SH3PXD2A: variants seen among roughly 807,000 people sequenced by gnomAD.
The protein encoded by SH3PXD2A is SH3 and PX domains 2A.
In SH3PXD2A, 32 loss-of-function variants were observed where a neutral mutation model predicts 115.2. The observed-to-expected ratio is 0.28, with a 90% CI of 0.21 to 0.37. The LOEUF (loss-of-function observed/expected upper bound fraction) is 0.37. Ranked by LOEUF, SH3PXD2A falls within the 10% of genes least tolerant of loss-of-function variation. SH3PXD2A has a pLI of 1.00. For missense variants in SH3PXD2A, 1,328 were observed against 1,498.7 expected, an observed-to-expected ratio of 0.89 and a Z score of 1.88; for synonymous variants, 610 against 629.1, an observed-to-expected ratio of 0.97 and a Z score of 0.45.
chr10:103,597,057 G>GTT lies in SH3PXD2A; in HGVS notation c.*4757_*4758dup, dbSNP rs2036147019. The GTT allele has an allele frequency of 2.0e-5, 3 of 152,634 alleles. No homozygotes were observed. In the South Asian group the frequency reaches 6.2e-4, roughly 32 times the overall value. The allele number at this position is 152,634 out of a possible 1,614,324, so 9.5% of individuals were successfully genotyped here. ...GCCAGATTGGTACCTGTTGTGGGAA[G>GTT]TTTTGTCTGCAGAGAAACTTGAATA... On this transcript the variant is annotated 3_prime_UTR_variant, in exon 15 of 15. Coordinates refer to ENST00000369774, the MANE Select transcript of SH3PXD2A (RefSeq NM_001394015.1).
At chr10:103,682,666 A>G (rs1301140437) in intron 6 of SH3PXD2A, among the ~76,000 whole-genome samples, 1 of 152,006 alleles carries the variant, frequency 6.6e-6, no homozygotes, top group Non-Finnish European at 1.5e-5. Context: ...CGGAGGCAGG[A>G]GAATTGCTTG....
chr10:103,823,741 C>T (rs1258515891), intron 1 of SH3PXD2A, among the ~76,000 whole-genome samples: 1 of 152,340 alleles, frequency 6.6e-6, no homozygotes, highest in African/African-American at 2.4e-5. Flanking sequence ...ATGGCGTGGC[C>T]TCACACTACA....
Position 103,665,505 on chromosome 10 carries a change from C to T in SH3PXD2A, c.472+3103G>A, listed in dbSNP as rs2037372637. ...GCTATGGCCTCTCTCAGGAGCTGCT[C>T]CAAAGGCTGTGGGATGGACACACGG... On this transcript the variant is annotated intron_variant, in intron 7 of 14. Coordinates refer to ENST00000369774, the MANE Select transcript of SH3PXD2A (RefSeq NM_001394015.1). The surrounding 1 kb of genome is among the most constrained non-coding windows in gnomAD (Gnocchi z 4.0). 6.6e-6 allele frequency among the ~76,000 whole-genome samples: 1 copy of T among 152,242 alleles called. No individual in the cohort carries two copies. The highest frequency in any genetic ancestry group is 6.5e-5 in the Admixed American group (1 of 15,290).
chr10:103,702,585 C>CTGTGTGTGTGTG (rs61568990), intron 5 of SH3PXD2A, among the ~76,000 whole-genome samples: 7 of 32,984 alleles, frequency 2.1e-4, no homozygotes, highest in East Asian at 3.5e-3. Context: ...AGATGTAAGC[C>CTGTGTGTGTGTG]TGTGTGTGTG....
At chr10:103,853,196 T>C (rs1291807916) in intron 1 of SH3PXD2A, among the ~76,000 whole-genome samples, 3 of 152,248 alleles carry the variant, frequency 2.0e-5, no homozygotes, top group Non-Finnish European at 4.4e-5. Flanking sequence ...AATGATCATT[T>C]CGAGGGAACT....
chr10:103,820,751 CT>C (rs2039371568), intron 1 of SH3PXD2A, among the ~76,000 whole-genome samples: 2 of 152,326 alleles, frequency 1.3e-5, no homozygotes, highest in Admixed American at 1.3e-4. Flanking sequence ...TTGGGCGCCC[CT>C]CCCAGCCATG....
intron 1 of SH3PXD2A, among the ~76,000 whole-genome samples, chr10:103,820,619 A>G (rs368236160): frequency 6.7e-6 from 1 of 148,702 alleles, no homozygotes; most frequent in Middle Eastern, 3.2e-3. Flanking sequence ...GCCCACCCCC[A>G]GTGAGCCTGT....
In SH3PXD2A at chr10:103,666,493, A is replaced by G. The variant is rs1176450028; in HGVS notation, c.472+2115T>C. The stretch of plus-strand genomic sequence containing the variant: ...AACCAAAGTATGTGCCTTGGACAAG[A>G]GTCTCTCGACACTCCAGGACTGGTG... On this transcript the variant is annotated intron_variant, in intron 7 of 14. Coordinates refer to ENST00000369774, the MANE Select transcript of SH3PXD2A (RefSeq NM_001394015.1). This position sits in a 1 kb window ranked among gnomAD's most constrained non-coding sequence, Gnocchi z 4.5. 6.6e-6 allele frequency among the ~76,000 whole-genome samples: 1 copy of G among 152,116 alleles called. No individual in the cohort carries two copies. Among genetic ancestry groups the G allele is most frequent in the African/African-American group, 2.4e-5 (1 of 41,386 alleles).
rs1339844251 is a variant in SH3PXD2A, at chr10:103,855,175, T to G, written c.72+20A>C. 3 of 1,514,250 alleles carry G rather than the reference T, an allele frequency of 2.0e-6. No homozygotes were observed. The highest frequency in any genetic ancestry group is 1.8e-6 in the Non-Finnish European group (2 of 1,126,052). 93.8% of individuals were successfully genotyped at this position (1,514,250 alleles called of 1,614,324 possible). On this transcript the variant is annotated intron_variant, in intron 1 of 14. Transcript: ENST00000369774. ...GGACCTCGGGCCACCCCCAGCAGGGTCGGCGGGGGCTGTACTCACGTAGTG... is the reference window on the plus strand; with the variant it reads ...GGACCTCGGGCCACCCCCAGCAGGGGCGGCGGGGGCTGTACTCACGTAGTG...
chr10:103,728,220 C>T (rs1004765590), intron 4 of SH3PXD2A, among the ~76,000 whole-genome samples: 2 of 152,234 alleles, frequency 1.3e-5, no homozygotes, highest in Non-Finnish European at 2.9e-5. Context: ...GATGCATTAC[C>T]TGCCCTCTGA....
At chr10:103,629,359 T>G (rs2036745468) in intron 8 of SH3PXD2A, among the ~76,000 whole-genome samples, 2 of 152,210 alleles carry the variant, frequency 1.3e-5, no homozygotes, top group South Asian at 4.1e-4. Context: ...TTATCATCAT[T>G]TCCCTGGCCT....
chr10:103,671,996 C>T (rs1297927486), intron 6 of SH3PXD2A, among the ~76,000 whole-genome samples: 2 of 152,214 alleles, frequency 1.3e-5, no homozygotes, highest in African/African-American at 4.8e-5. Flanking sequence ...GGCTTAAAGA[C>T]TCTGGGCTTT....
In SH3PXD2A at chr10:103,622,509, A is replaced by G. The variant is rs1443673334; in HGVS notation, c.763T>C (p.Trp255Arg). Residue 255 changes from tryptophan (W) to arginine (R), a missense_variant, in exon 10 of 15, where the codon TGG becomes CGG. Coordinates refer to ENST00000369774, the MANE Select transcript of SH3PXD2A (RefSeq NM_001394015.1). ...KAHLRRLDRRWTLGGMVNRQH... is the reference protein window; with the variant it reads ...KAHLRRLDRRRTLGGMVNRQH... ...CTGTTGACCATCCCGCCCAGGGTCC[A>G]CCGGCGATCCAGGCGCCGCAGATGG... 1 of 1,550,390 alleles carries G rather than the reference A, an allele frequency of 6.4e-7. No individual in the cohort carries two copies. Among genetic ancestry groups the G allele is most frequent in the South Asian group, 1.2e-5 (1 of 84,056 alleles).
chr10:103,680,040 C>T (rs986384619), intron 6 of SH3PXD2A, among the ~76,000 whole-genome samples: 4 of 148,400 alleles, frequency 2.7e-5, no homozygotes, highest in South Asian at 2.2e-4. Context: ...AGTGCAATGG[C>T]GCCATCTCTG....
chr10:103,682,813 C>T lies in SH3PXD2A; in HGVS notation c.427+10215G>A, dbSNP rs553043067. 1.9e-3 allele frequency among the ~76,000 whole-genome samples: 281 copies of T among 151,644 alleles called. 2 individuals carry two copies. The highest frequency in any genetic ancestry group is 6.6e-3 in the African/African-American group (271 of 41,352). On this transcript the variant is annotated intron_variant, in intron 6 of 14. Coordinates refer to ENST00000369774, the MANE Select transcript of SH3PXD2A (RefSeq NM_001394015.1). ...CTGGGTAAGATGTGCCAGAAGCTGACGCCTTCAAAAGACACGCTCACTTTT... is the reference window on the plus strand; with the variant it reads ...CTGGGTAAGATGTGCCAGAAGCTGATGCCTTCAAAAGACACGCTCACTTTT...
chr10:103,628,705 G>A (rs1434384351), intron 8 of SH3PXD2A, among the ~76,000 whole-genome samples: 1 of 151,982 alleles, frequency 6.6e-6, no homozygotes. Flanking sequence ...GCCAACCCTG[G>A]AGACCACAAC....
At chr10:103,647,753 G>A (rs2037056257) in intron 8 of SH3PXD2A, among the ~76,000 whole-genome samples, 1 of 152,140 alleles carries the variant, frequency 6.6e-6, no homozygotes, top group South Asian at 2.1e-4. Context: ...CACCCTGTGG[G>A]CAATGAGGTT....
At chr10:103,817,463 C>T (rs1319980454) in intron 1 of SH3PXD2A, among the ~76,000 whole-genome samples, 1 of 152,190 alleles carries the variant, frequency 6.6e-6, no homozygotes, top group Non-Finnish European at 1.5e-5. Context: ...GCCTCAGCCT[C>T]CCAAGTAGCT....
intron 6 of SH3PXD2A, among the ~76,000 whole-genome samples, chr10:103,680,210 C>G (rs1490537610): frequency 6.6e-6 from 1 of 152,048 alleles, no homozygotes; most frequent in African/African-American, 2.4e-5. Flanking sequence ...AACTCCTGAC[C>G]TCAAGTAATC....
Sources: allele counts gnomAD v4.1 joint callset (sites outside exome capture counted in the v4.1 genomes callset), GRCh38; gene constraint gnomAD v4.1.1; non-coding constraint Gnocchi (gnomAD v3.1); transcripts MANE v1.5; gene names NCBI Gene and HGNC (gene_info 2026-07-23, HGNC 2026-07-21).